Variants in MAN1A1 observed in about 807,000 individuals in gnomAD.
MAN1A1 encodes the protein mannosidase alpha class 1A member 1, also known as mannosyl-oligosaccharide 1,2-alpha-mannosidase IA.
A neutral mutation model predicts 70.8 loss-of-function variants in MAN1A1; 29 were observed. The ratio of observed to expected loss-of-function variants is 0.41; its 90% CI spans 0.31 to 0.56. MAN1A1 has a LOEUF of 0.56. Among genes scored for constraint, MAN1A1 ranks in the 20% least tolerant of loss-of-function variants. The pLI is 0.29. For missense variants in MAN1A1, 747 were observed against 841.3 expected (o/e 0.89, Z 1.39); for synonymous variants, 349 against 330.1 (o/e 1.06, Z -0.62).
chr6:119,297,047 A>G (rs1582779960), intron 4 of MAN1A1, among the ~76,000 whole-genome samples: 1 of 152,270 alleles, frequency 6.6e-6, no homozygotes, highest in South Asian at 2.1e-4. Flanking sequence ...ATAGTTTTCA[A>G]TATTTCTCAT....
chr6:119,188,974 A>C (rs1413981575), intron 10 of MAN1A1, among the ~76,000 whole-genome samples: 2 of 152,220 alleles, frequency 1.3e-5, no homozygotes, highest in Non-Finnish European at 2.9e-5. Flanking sequence ...AGGGATACGA[A>C]GGTCTGACTG....
At position 119,333,432 on chromosome 6, in the gene MAN1A1, C is replaced by A. The variant is rs146405518; in HGVS notation, c.603+15031G>T. Among the ~76,000 whole-genome samples the A allele has an allele frequency of 3.2e-3, 494 of 152,246 alleles. 2 individuals are homozygous for A. The highest frequency in any genetic ancestry group is 0.011 in the African/African-American group (461 of 41,540). ...AGTATTAAGGTGACTAGTCTTCTGA[C>A]GTGTGTAACATATATAATACCACTT... On this transcript the variant is annotated intron_variant, in intron 2 of 12. Coordinates refer to ENST00000368468, the MANE Select transcript of MAN1A1 (RefSeq NM_005907.4).
intron 2 of MAN1A1, among the ~76,000 whole-genome samples, chr6:119,339,178 T>C (rs1202420195): frequency 7.9e-5 from 12 of 152,240 alleles, no homozygotes; most frequent in Non-Finnish European, 1.6e-4. Flanking sequence ...CCATTCATTA[T>C]ATGACACATG....
chr6:119,213,178 T>G (rs1562194903), intron 6 of MAN1A1, among the ~76,000 whole-genome samples: 1 of 151,950 alleles, frequency 6.6e-6, no homozygotes, highest in Non-Finnish European at 1.5e-5. Context: ...ATGGTAGCTT[T>G]TCTTACTTTT....
intron 5 of MAN1A1, among the ~76,000 whole-genome samples, chr6:119,259,203 C>T (rs1360525069): frequency 2.0e-5 from 3 of 152,162 alleles, no homozygotes; most frequent in African/African-American, 7.2e-5. Flanking sequence ...TGTATTCATT[C>T]TCCTTCTGAG....
At chr6:119,342,967 T>G (rs1003469790) in intron 2 of MAN1A1, among the ~76,000 whole-genome samples, 2 of 152,106 alleles carry the variant, frequency 1.3e-5, no homozygotes, top group African/African-American at 4.8e-5. Context: ...AACTGAATGA[T>G]TACAAATGCC....
intron 2 of MAN1A1, among the ~76,000 whole-genome samples, chr6:119,324,963 G>C (rs1773107818): frequency 6.6e-6 from 1 of 152,008 alleles, no homozygotes; most frequent in South Asian, 2.1e-4. Flanking sequence ...CAACAGATGT[G>C]ACAACCCTTA....
At chr6:119,334,024 C>A (rs1467589386) in intron 2 of MAN1A1, among the ~76,000 whole-genome samples, 1 of 152,188 alleles carries the variant, frequency 6.6e-6, no homozygotes, top group African/African-American at 2.4e-5. Context: ...CTCCCAAAGA[C>A]ACCTGTTTTA....
At chr6:119,333,962 G>A (rs569171223) in intron 2 of MAN1A1, among the ~76,000 whole-genome samples, 9 of 152,260 alleles carry the variant, frequency 5.9e-5, no homozygotes, top group South Asian at 2.1e-4. Flanking sequence ...TAATAGGACC[G>A]TAGTTAAAGC....
At chr6:119,181,729 C>A (rs563837239) in intron 11 of MAN1A1, among the ~76,000 whole-genome samples, 1 of 151,988 alleles carries the variant, frequency 6.6e-6, no homozygotes, top group South Asian at 2.1e-4. Context: ...TTTCTTTAAC[C>A]TTTTTCCAGC....
intron 5 of MAN1A1, among the ~76,000 whole-genome samples, chr6:119,271,465 G>T (rs922597573): frequency 3.3e-5 from 5 of 151,914 alleles, no homozygotes; most frequent in Non-Finnish European, 5.9e-5. Context: ...TTCATTAGCT[G>T]GATGTCTCCA....
At chr6:119,345,106 C>G (rs987959515) in intron 2 of MAN1A1, among the ~76,000 whole-genome samples, 1 of 136,610 alleles carries the variant, frequency 7.3e-6, no homozygotes, top group African/African-American at 2.7e-5. Flanking sequence ...TTCAGAAAAA[C>G]GAAAAAAAAA....
At position 119,348,597 on chromosome 6, in the gene MAN1A1, C is replaced by A; in HGVS notation, c.469G>T (p.Val157Leu). Residue 157 changes from valine to leucine, a missense_variant, in exon 2 of 13, where the codon GTG (valine) becomes TTG (leucine). By Grantham distance (32) the Val-to-Leu change is conservative. Transcript: ENST00000368468. ...QRDILLEKKK[V>L]AQDQLRDKAP... ...TTGTCACGCAGCTGGTCCTGGGCCA[C>A]CTTCTTCTTCTCCAGTAGGATGTCT... The A allele has an allele frequency of 6.2e-7, 1 of 1,613,918 alleles. No individual in the cohort carries two copies. Among genetic ancestry groups the A allele is most frequent in the Non-Finnish European group, 8.5e-7 (1 of 1,179,908 alleles).
rs373996496 is a variant in MAN1A1 at position 119,307,393 on chromosome 6, C to G, written c.604-401G>C. Among the ~76,000 whole-genome samples the G allele has an allele frequency of 3.9e-5, 6 of 152,256 alleles. No homozygotes were observed. In the South Asian group the frequency reaches 1.0e-3, roughly 26 times the overall value. ...AAAATTTATATTTCTGCACAAAGTT[C>G]TTCTTACTTTGTTGGCCTCACAGCA... On this transcript the variant is annotated intron_variant, in intron 2 of 12. Coordinates refer to ENST00000368468, the MANE Select transcript of MAN1A1 (RefSeq NM_005907.4).
chr6:119,303,539 GA>G (rs1272430517), intron 3 of MAN1A1, among the ~76,000 whole-genome samples: 1 of 152,048 alleles, frequency 6.6e-6, no homozygotes, highest in African/African-American at 2.4e-5. Flanking sequence ...AACATGCTTT[GA>G]AACTTCACTC....
intron 2 of MAN1A1, among the ~76,000 whole-genome samples, chr6:119,311,047 C>T (rs1261963160): frequency 6.6e-6 from 1 of 152,108 alleles, no homozygotes; most frequent in Non-Finnish European, 1.5e-5. Flanking sequence ...CAGTGTGACT[C>T]TAAGCAAGGC....
At chr6:119,280,176 C>A (rs765081894) in intron 5 of MAN1A1, among the ~76,000 whole-genome samples, 3 of 152,166 alleles carry the variant, frequency 2.0e-5, no homozygotes, top group Non-Finnish European at 4.4e-5. Flanking sequence ...TTTCAATTAT[C>A]ATTTAGTTGT....
chr6:119,189,588 A>T, intron 10 of MAN1A1, 76 bp downstream of exon 10: 1 of 1,325,896 alleles, frequency 7.5e-7, no homozygotes, highest in Non-Finnish European at 1.1e-6. Flanking sequence ...TAGTCTTTTG[A>T]GGGCAGCAAT....
At chr6:119,218,756 C>A (rs531154212) in intron 6 of MAN1A1, among the ~76,000 whole-genome samples, 11 of 152,264 alleles carry the variant, frequency 7.2e-5, no homozygotes, top group African/African-American at 2.4e-4. Context: ...TATGAATGCA[C>A]CCCGCGCTGG....
Sources: allele counts gnomAD v4.1 joint callset (sites outside exome capture counted in the v4.1 genomes callset), GRCh38; gene constraint gnomAD v4.1.1; transcripts MANE v1.5; gene names NCBI Gene and HGNC (gene_info 2026-07-23, HGNC 2026-07-21).